Variants in WDR43 observed in about 807,000 individuals in gnomAD.
WDR43 encodes WD repeat domain 43.
WDR43 carries 13 observed loss-of-function variants against 91.4 expected under a neutral mutation model. The observed-to-expected ratio is 0.14, with a 90% CI of 0.09 to 0.23. The LOEUF is 0.23. WDR43 is among the 10% of genes least tolerant of loss of function. WDR43 has a pLI of 1.00. For missense variants in WDR43, 780 were observed against 809.4 expected (o/e 0.96, Z 0.44); for synonymous variants, 331 against 287.9 (o/e 1.15, Z -1.51).
At chr2:28,939,934 C>T (rs1671402373) in intron 14 of WDR43, among the ~76,000 whole-genome samples, 2 of 151,704 alleles carry the variant, frequency 1.3e-5, no homozygotes, top group South Asian at 2.1e-4. Context: ...GGTGAAACCC[C>T]GTCTCTACTA....
At chr2:28,907,054 A>G (rs1572582196) in intron 3 of WDR43, among the ~76,000 whole-genome samples, 3 of 152,326 alleles carry the variant, frequency 2.0e-5, no homozygotes, top group South Asian at 4.1e-4. Flanking sequence ...TGGATGGCAG[A>G]TGATATGGGT....
chr2:28,899,104 G>A (rs1479805837), intron 1 of WDR43, among the ~76,000 whole-genome samples: 4 of 152,190 alleles, frequency 2.6e-5, no homozygotes, highest in Admixed American at 2.6e-4. Context: ...TCCTTAGTCC[G>A]AGAAATCACC....
In WDR43 at chr2:28,922,924, C is replaced by G. The variant is rs548856799; in HGVS notation, c.855C>G (p.Val285=). ...LTLSENKEEP[V]KLAVVCRDGQ... ...TGGTTACATTTTTCTTTTAGCCTGT[C>G]AAGTTGGCTGTTGTTTGCAGAGATG... The change falls in exon 7 of 18, where the codon GTC becomes GTG. Residue 285 remains valine, a synonymous_variant. Coordinates refer to ENST00000407426, the MANE Select transcript of WDR43 (RefSeq NM_015131.3). 4.3e-6 allele frequency: 7 copies of G among 1,609,890 alleles called. No homozygotes were observed. In the East Asian group the frequency reaches 6.7e-5, roughly 15 times the overall value.
Position 28,908,933 on chromosome 2 carries a change from A to AT in WDR43, c.485+2361dup, listed in dbSNP as rs575399498. 2.0e-3 allele frequency among the ~76,000 whole-genome samples: 298 copies of AT among 151,104 alleles called. 1 individual carries two copies. The highest frequency in any genetic ancestry group is 3.2e-3 in the Non-Finnish European group (215 of 67,682). ...AGCCTTAGACTTTCCTATGTTTAAT[A>AT]TTTTTTTTTGTACAAAATTTTGCTT... On this transcript the variant is annotated intron_variant, in intron 3 of 17. Coordinates refer to ENST00000407426, the MANE Select transcript of WDR43 (RefSeq NM_015131.3).
chr2:28,914,334 A>C (rs1438660644), intron 5 of WDR43, 126 bp downstream of exon 5: 2 of 1,234,022 alleles, frequency 1.6e-6, no homozygotes, highest in African/African-American at 1.5e-5. Flanking sequence ...ATTGAGTCAT[A>C]ATAAAAAATT....
rs1202356616 is a variant in WDR43 at position 28,906,637 on chromosome 2, TGTG to T, written c.485+58_485+60del. On this transcript the variant is annotated intron_variant, in intron 3 of 17. Transcript: ENST00000407426. ...AATAGACGTGGATAAATGCTGGACT[TGTG>T]GGGAATGCAGACATTAATAAGGTTA... is the stretch of plus-strand genomic sequence containing the variant. 90 of 1,570,808 alleles carry T rather than the reference TGTG, an allele frequency of 5.7e-5. No homozygotes were observed. In the African/African-American group the frequency reaches 1.1e-3, roughly 19 times the overall value.
At chr2:28,937,852 C>T in intron 13 of WDR43, 79 bp from the exon 14 acceptor site, 1 of 1,358,162 alleles carries the variant, frequency 7.4e-7, no homozygotes, top group Non-Finnish European at 1.0e-6. Flanking sequence ...CTTCACTTGT[C>T]TGTCTGGGTT....
intron 6 of WDR43, among the ~76,000 whole-genome samples, chr2:28,919,665 A>C (rs1360659732): frequency 6.6e-6 from 1 of 152,050 alleles, no homozygotes; most frequent in Non-Finnish European, 1.5e-5. Context: ...CAAAAAAAAA[A>C]ACAAACTAGT....
intron 4 of WDR43, chr2:28,913,835 T>G: frequency 3.0e-6 from 2 of 670,732 alleles, no homozygotes; most frequent in East Asian, 2.9e-5. Flanking sequence ...GGTAGGGTCA[T>G]GGGAGTTAGA....
At position 28,912,710 on chromosome 2, in the gene WDR43, G is replaced by A; in HGVS notation, c.606G>A (p.Arg202=). Reference sequence around the variant, plus strand: ...TTTTGGAGACCAAAGAAGTCTACAGGGTGAGCGAATCAAATTATTTGTAAG... The same window carrying A: ...TTTTGGAGACCAAAGAAGTCTACAGAGTGAGCGAATCAAATTATTTGTAAG... ...LWVLETKEVY[R]HFTGHATPVS... The change falls in exon 4 of 18, where the codon AGG becomes AGA. Residue 202 remains arginine, a splice_region_variant and synonymous_variant. Coordinates refer to ENST00000407426, the MANE Select transcript of WDR43 (RefSeq NM_015131.3). The A allele has an allele frequency of 6.2e-7, 1 of 1,612,140 alleles. No homozygotes were observed. Among genetic ancestry groups the A allele is most frequent in the Non-Finnish European group, 8.5e-7 (1 of 1,179,444 alleles).
chr2:28,909,620 C>G (rs1670751191), intron 3 of WDR43, among the ~76,000 whole-genome samples: 1 of 152,138 alleles, frequency 6.6e-6, no homozygotes, highest in South Asian at 2.1e-4. Context: ...TGCCTAAAAT[C>G]TCAGCACTTT....
chr2:28,911,521 C>T (rs1187541805), intron 3 of WDR43, among the ~76,000 whole-genome samples: 1 of 151,962 alleles, frequency 6.6e-6, no homozygotes, highest in Admixed American at 6.6e-5. Flanking sequence ...GTCTCGATCT[C>T]CTGACCTTGT....
chr2:28,908,137 G>A (rs907369967), intron 3 of WDR43, among the ~76,000 whole-genome samples: 1 of 152,176 alleles, frequency 6.6e-6, no homozygotes, highest in African/African-American at 2.4e-5. Context: ...TTTCAGCTTT[G>A]CTAACTAGGC....
chr2:28,914,642 A>G (rs1670872199), intron 5 of WDR43, among the ~76,000 whole-genome samples: 1 of 152,158 alleles, frequency 6.6e-6, no homozygotes, highest in Non-Finnish European at 1.5e-5. Flanking sequence ...TTTAAAAGTA[A>G]AAATCAGGCC....
intron 1 of WDR43, among the ~76,000 whole-genome samples, chr2:28,900,292 A>G (rs1365381754): frequency 3.9e-5 from 6 of 152,056 alleles, no homozygotes; most frequent in African/African-American, 4.8e-5. Flanking sequence ...GGTTCAAGCA[A>G]TTCTCTGCCA....
In WDR43 at chr2:28,923,001, C is replaced by A; in HGVS notation, c.914+18C>A. 5.0e-6 allele frequency: 8 copies of A among 1,602,520 alleles called. No homozygotes were observed. Among genetic ancestry groups the A allele is most frequent in the Non-Finnish European group, 6.8e-6 (8 of 1,174,152 alleles). The stretch of plus-strand genomic sequence containing the variant: ...TTAAATGGGTAAGTAAGAAATTTTC[C>A]AAGTAAGAAATTTGTTTCTTTCCCT... On this transcript the variant is annotated intron_variant, in intron 7 of 17. Coordinates refer to ENST00000407426, the MANE Select transcript of WDR43 (RefSeq NM_015131.3).
intron 1 of WDR43, among the ~76,000 whole-genome samples, chr2:28,896,307 C>T (rs1003479516): frequency 3.9e-5 from 6 of 152,160 alleles, no homozygotes; most frequent in South Asian, 2.1e-4. Flanking sequence ...TGGTAATTGC[C>T]CCTCTGGTTC....
rs534280167 is a variant in WDR43, at chr2:28,947,161, G to C, written c.*382G>C. 6.5e-6 allele frequency: 1 copy of C among 155,016 alleles called. No individual in the cohort carries two copies. Among genetic ancestry groups the C allele is most frequent in the South Asian group, 2.1e-4 (1 of 4,850 alleles). The allele number at this position is 155,016 out of a possible 1,614,324, so 9.6% of individuals were successfully genotyped here. A position where few individuals can be genotyped will look rare whatever the true frequency, so the allele number is the denominator to read the frequency against. ...TGTGAAGAAGTCAGCTCTTATCTCA[G>C]GTTGGTATCTTTCATCAAATCCAGA... On this transcript the variant is annotated 3_prime_UTR_variant, in exon 18 of 18. Coordinates refer to ENST00000407426, the MANE Select transcript of WDR43 (RefSeq NM_015131.3).
chr2:28,903,296 T>G (rs1010613502), intron 2 of WDR43, among the ~76,000 whole-genome samples: 23 of 152,202 alleles, frequency 1.5e-4, no homozygotes, highest in African/African-American at 5.5e-4. Context: ...CTTACATGGA[T>G]TCACAGAATT....
Sources: allele counts gnomAD v4.1 joint callset (sites outside exome capture counted in the v4.1 genomes callset), GRCh38; gene constraint gnomAD v4.1.1; transcripts MANE v1.5; gene names NCBI Gene and HGNC (gene_info 2026-07-23, HGNC 2026-07-21).